Variants in ESR2 observed in about 807,000 individuals in gnomAD.
ESR2 encodes the protein estrogen receptor 2.
A neutral mutation model predicts 49.6 loss-of-function variants in ESR2; 36 were observed. The ratio of observed to expected loss-of-function variants is 0.73; its 90% CI spans 0.56 to 0.96. The LOEUF (loss-of-function observed/expected upper bound fraction) is 0.96. Among genes scored for constraint, ESR2 ranks in the 40% least tolerant of loss-of-function variants. The probability of loss-of-function intolerance (pLI) is 0.00; values close to 1 mark genes in which losing one functional copy is unlikely to be tolerated. For missense variants in ESR2, 714 were observed against 693.0 expected, an observed-to-expected ratio of 1.03 and a Z score of -0.34; for synonymous variants, 320 against 266.1, an observed-to-expected ratio of 1.20 and a Z score of -1.97.
chr14:64,252,575 A>G (rs1255227594), intron 6 of ESR2, among the ~76,000 whole-genome samples: 2 of 152,206 alleles, frequency 1.3e-5, no homozygotes, highest in Non-Finnish European at 2.9e-5. Context: ...GGGAGGCCTC[A>G]GGAAACTTAC....
downstream of ESR2, chr14:64,228,117 C>T: frequency 4.1e-6 from 5 of 1,229,906 alleles, no homozygotes; most frequent in East Asian, 1.2e-4. Context: ...TAAGAAGATA[C>T]ATTAAAGCAG....
chr14:64,233,074 A>C lies in ESR2; in HGVS notation c.*63T>G, dbSNP rs553565492. 3 of 1,567,318 alleles carry C rather than the reference A, an allele frequency of 1.9e-6. No homozygotes were observed. Among genetic ancestry groups the C allele is most frequent in the South Asian group, 1.2e-5 (1 of 85,180 alleles). On this transcript the variant is annotated 3_prime_UTR_variant, in exon 9 of 9. Transcript: ENST00000341099. Reference sequence around the variant, plus strand: ...CAGAAAGATGAAGCCCAGGCTCCTGACACACTGGAGTTCACGCTTCAGCCT... The same window carrying C: ...CAGAAAGATGAAGCCCAGGCTCCTGCCACACTGGAGTTCACGCTTCAGCCT...
At position 64,312,967 on chromosome 14, in the gene ESR2, G is replaced by T. The variant is rs114573001; in HGVS notation, c.-91+24931C>A. ...AGTTAAAAGACAGAGTTAGCAGAGG[G>T]GATTTAAAAGATGTTTAACTATATG... is the stretch of plus-strand genomic sequence containing the variant. On this transcript the variant is annotated intron_variant, in intron 1 of 8. Coordinates refer to the ESR2 transcript ENST00000358599. Among the ~76,000 whole-genome samples the T allele has an allele frequency of 3.5e-3, 529 of 151,858 alleles. 5 individuals carry two copies. Among genetic ancestry groups the T allele is most frequent in the African/African-American group, 0.012 (510 of 41,410 alleles).
At chr14:64,239,132 A>G (rs896202944) in intron 7 of ESR2, among the ~76,000 whole-genome samples, 2 of 152,214 alleles carry the variant, frequency 1.3e-5, no homozygotes, top group African/African-American at 2.4e-5. Context: ...ACCTCTGGCC[A>G]TGACCCACGC....
chr14:64,276,100 G>C (rs1205152000), intron 3 of ESR2, among the ~76,000 whole-genome samples: 1 of 152,056 alleles, frequency 6.6e-6, no homozygotes, highest in East Asian at 1.9e-4. Flanking sequence ...TAATGCCTGG[G>C]TATGAAAGGA....
chr14:64,234,381 G>C (rs1025532323), intron 8 of ESR2: 1 of 153,408 alleles, frequency 6.5e-6, no homozygotes, highest in Non-Finnish European at 1.5e-5. Context: ...TGTACCAACA[G>C]TAGCCACCAC....
chr14:64,254,279 A>G (rs2076052005), intron 6 of ESR2, among the ~76,000 whole-genome samples: 1 of 152,212 alleles, frequency 6.6e-6, no homozygotes, highest in Non-Finnish European at 1.5e-5. Context: ...TTTGCAAAAA[A>G]GAGTCGTAAT....
At chr14:64,242,424 AAACAAAAC>A (rs1436683074) in intron 7 of ESR2, among the ~76,000 whole-genome samples, 73 of 109,928 alleles carry the variant, frequency 6.6e-4, no homozygotes, top group African/African-American at 4.0e-3. Flanking sequence ...AAAACAAAAA[AAACAAAAC>A]AAACAAACAA....
intron 7 of ESR2, among the ~76,000 whole-genome samples, chr14:64,240,024 G>A (rs2075688111): frequency 6.6e-6 from 1 of 152,182 alleles, no homozygotes; most frequent in Admixed American, 6.5e-5. Context: ...ATACATACCA[G>A]AAACTGAGCT....
At chr14:64,281,822 A>G (rs140975580) in intron 2 of ESR2, among the ~76,000 whole-genome samples, 111 of 152,328 alleles carry the variant, frequency 7.3e-4, no homozygotes, top group African/African-American at 2.6e-3. Context: ...CAATCTTTAT[A>G]TAATGTTATT....
At chr14:64,234,805 CTG>C in intron 8 of ESR2, 163 bp downstream of exon 8, 3 of 1,398,560 alleles carry the variant, frequency 2.1e-6, no homozygotes, top group Non-Finnish European at 2.8e-6. Context: ...CATGCCCACT[CTG>C]TGCCCATCTT....
chr14:64,281,497 T>C lies in ESR2; in HGVS notation c.362+1127A>G, dbSNP rs181249996. ...TTAAAAAAGTTATCCACAATGTTTA[T>C]ATTCTCTTTACCAATGAGTAAAATG... On this transcript the variant is annotated intron_variant, in intron 2 of 8. Coordinates refer to ENST00000341099, the MANE Select transcript of ESR2 (RefSeq NM_001437.3). Among the ~76,000 whole-genome samples the C allele has an allele frequency of 1.4e-3, 210 of 152,210 alleles. 1 individual carries two copies. Among genetic ancestry groups the C allele is most frequent in the Non-Finnish European group, 1.7e-3 (113 of 68,000 alleles).
intron 1 of ESR2, among the ~76,000 whole-genome samples, chr14:64,317,844 G>A (rs998189468): frequency 1.3e-5 from 2 of 151,890 alleles, no homozygotes; most frequent in Non-Finnish European, 2.9e-5. Flanking sequence ...GGAATACAGG[G>A]GAGCTTTCTC....
intron 5 of ESR2, among the ~76,000 whole-genome samples, chr14:64,259,097 T>C (rs1375099109): frequency 2.6e-5 from 4 of 152,322 alleles, no homozygotes; most frequent in African/African-American, 9.6e-5. Flanking sequence ...GTGTTTGGAA[T>C]ACATTTAAAG....
chr14:64,259,752 ACT>A (rs1216578820), intron 5 of ESR2, among the ~76,000 whole-genome samples: 12 of 152,008 alleles, frequency 7.9e-5, no homozygotes, highest in African/African-American at 2.4e-4. Flanking sequence ...CCACTGATTT[ACT>A]CTGTTTGTCC....
Position 64,228,715 on chromosome 14 carries a change from T to C in ESR2, c.*4422A>G, listed in dbSNP as rs931211422. Among the ~76,000 whole-genome samples the C allele has an allele frequency of 1.3e-5, 2 of 152,212 alleles. No individual in the cohort carries two copies. Among genetic ancestry groups the C allele is most frequent in the Admixed American group, 1.3e-4 (2 of 15,284 alleles). On this transcript the variant is annotated 3_prime_UTR_variant, in exon 9 of 9. Transcript: ENST00000341099. ...TCGCGGCTGGTATCACCACTCCTTA[T>C]GTGCTTCCCATAGAGGAAACCCACC... is the stretch of plus-strand genomic sequence containing the variant.
rs138284311 is a variant in ESR2, at chr14:64,269,133, A to C, written c.536-222T>G. On this transcript the variant is annotated intron_variant, in intron 3 of 8. Coordinates refer to ENST00000341099, the MANE Select transcript of ESR2 (RefSeq NM_001437.3). The stretch of plus-strand genomic sequence containing the variant: ...TATCCTGGTTTTTTACTAATATGTT[A>C]TTCTCTGCATATTCTTAGAATTCTC... Among the ~76,000 whole-genome samples the C allele has an allele frequency of 4.3e-3, 649 of 152,346 alleles. 6 individuals are homozygous for C. Among genetic ancestry groups the C allele is most frequent in the African/African-American group, 0.015 (616 of 41,580 alleles).
chr14:64,235,233 C>G, intron 7 of ESR2, 83 bp from the exon 8 acceptor site: 3 of 1,451,556 alleles, frequency 2.1e-6, no homozygotes, highest in South Asian at 2.5e-5. Flanking sequence ...TGCGCCTGCT[C>G]CGAGGTGATC....
intron 6 of ESR2, 140 bp from the exon 7 acceptor site, chr14:64,249,819 T>C: frequency 1.2e-6 from 1 of 802,738 alleles, no homozygotes; most frequent in South Asian, 2.0e-5. Flanking sequence ...TACAACAGGG[T>C]GTTAATGAGA....
Sources: allele counts gnomAD v4.1 joint callset (sites outside exome capture counted in the v4.1 genomes callset), GRCh38; gene constraint gnomAD v4.1.1; transcripts MANE v1.5; gene names NCBI Gene and HGNC (gene_info 2026-07-23, HGNC 2026-07-21).